The following ZNF248 variants were observed in gnomAD, a reference collection of about 807,000 sequenced individuals.
ZNF248 encodes the protein zinc finger protein 248, also known as KRAB protein domain.
In ZNF248, 20 loss-of-function variants were observed where a neutral mutation model predicts 44.3. The ratio of observed to expected loss-of-function variants is 0.45; its 90% CI spans 0.32 to 0.66. The LOEUF is 0.66. Ranked by LOEUF, ZNF248 falls within the 30% of genes least tolerant of loss-of-function variation. The probability of loss-of-function intolerance (pLI) is 0.04; values close to 1 mark genes in which losing one functional copy is unlikely to be tolerated. For synonymous variants in ZNF248, 224 were observed against 229.0 expected, an observed-to-expected ratio of 0.98 and a Z score of 0.20; for missense variants, 654 against 677.0, an observed-to-expected ratio of 0.97 and a Z score of 0.38.
In ZNF248 at chr10:37,831,925, GA is replaced by G; in HGVS notation, c.1429del (p.Ser477GlnfsTer27). 6.2e-7 allele frequency: 1 copy of G among 1,614,034 alleles called. No individual in the cohort carries two copies. Among genetic ancestry groups the G allele is most frequent in the Non-Finnish European group, 8.5e-7 (1 of 1,179,928 alleles). ...TGTTCTCTGATGCACAGTGAGGGCT[GA>G]TCTGTGGCAGAAGGATTTCCCACAT... ...NACGKSFCHR[S>X]ALTVHQRTHT... On this transcript the variant is annotated frameshift_variant, in exon 6 of 6. Transcript: ENST00000395867. LOFTEE classifies it high-confidence loss of function.
chr10:37,781,541 T>C (rs1355390993), intron 6 of ZNF248, among the ~76,000 whole-genome samples: 3 of 152,230 alleles, frequency 2.0e-5, no homozygotes, highest in Non-Finnish European at 2.9e-5. Flanking sequence ...ACAGCCATAA[T>C]GCCTCAGTAC....
chr10:37,818,152 G>A (rs1190904929), intron 6 of ZNF248, among the ~76,000 whole-genome samples: 2 of 152,066 alleles, frequency 1.3e-5, no homozygotes, highest in African/African-American at 4.8e-5. Flanking sequence ...TCCTGACCTT[G>A]TGATCCACCT....
At chr10:37,792,204 G>A (rs1253493222) in intron 6 of ZNF248, among the ~76,000 whole-genome samples, 2 of 152,180 alleles carry the variant, frequency 1.3e-5, no homozygotes, top group African/African-American at 4.8e-5. Context: ...GCCTGCAGTT[G>A]AGCCTGTCCT....
the ZNF248 span, among the ~76,000 whole-genome samples, chr10:37,769,789 A>T: frequency 1.3e-5 from 2 of 152,204 alleles, no homozygotes; most frequent in African/African-American, 4.8e-5. Flanking sequence ...TAGGCAGGAG[A>T]AGAAAATAAA....
chr10:37,832,853 A>T lies in ZNF248; in HGVS notation c.502T>A (p.Phe168Ile). Residue 168 changes from phenylalanine to isoleucine, a missense_variant, in exon 6 of 6, where the codon TTT becomes ATT. Physicochemically the swap from Phe to Ile is conservative, Grantham distance 21 (BLOSUM62 0). Transcript: ENST00000395867. ...AGGAGCAATTTCTCACATACATTAA[A>T]CTCATCAGGCTTCTTTCTGGAACAG... ...KNCSRKKPDEFNVCEKLLLDI... is the reference protein window; with the variant it reads ...KNCSRKKPDEINVCEKLLLDI... 6.2e-7 allele frequency: 1 copy of T among 1,613,748 alleles called. No homozygotes were observed. The highest frequency in any genetic ancestry group is 2.2e-5 in the East Asian group (1 of 44,842).
At chr10:37,801,484 G>A (rs201024522) in intron 6 of ZNF248, among the ~76,000 whole-genome samples, 1 of 151,782 alleles carries the variant, frequency 6.6e-6, no homozygotes, top group African/African-American at 2.4e-5. Context: ...TAAAGCCAAA[G>A]GCACTGTATA....
chr10:37,812,944 C>T (rs544485363), intron 6 of ZNF248, among the ~76,000 whole-genome samples: 35 of 150,944 alleles, frequency 2.3e-4, no homozygotes, highest in African/African-American at 8.3e-4. Context: ...AAACTATATC[C>T]GGATGTTGTA....
intron 3 of ZNF248, among the ~76,000 whole-genome samples, chr10:37,851,060 T>C (rs565203657): frequency 6.6e-6 from 1 of 152,002 alleles, no homozygotes; most frequent in Non-Finnish European, 1.5e-5. Context: ...AGGATTACTA[T>C]CTAGAAAATT....
chr10:37,792,918 G>A (rs2048726434), intron 6 of ZNF248, among the ~76,000 whole-genome samples: 1 of 152,132 alleles, frequency 6.6e-6, no homozygotes, highest in Non-Finnish European at 1.5e-5. Context: ...TTCATTAATA[G>A]TGTTGTACCC....
the ZNF248 span, among the ~76,000 whole-genome samples, chr10:37,766,042 T>C: frequency 6.6e-6 from 1 of 152,216 alleles, no homozygotes; most frequent in Non-Finnish European, 1.5e-5. Context: ...AACTGCAAGG[T>C]GGCAGCAACG....
intron 6 of ZNF248, among the ~76,000 whole-genome samples, chr10:37,806,700 TTC>T (rs1313436741): frequency 1.3e-5 from 2 of 152,304 alleles, no homozygotes; most frequent in East Asian, 1.9e-4. Flanking sequence ...TGCCTTTTCA[TTC>T]TGTTGATAGT....
At chr10:37,804,632 T>A (rs1453241131) in intron 6 of ZNF248, among the ~76,000 whole-genome samples, 1 of 152,162 alleles carries the variant, frequency 6.6e-6, no homozygotes, top group Non-Finnish European at 1.5e-5. Flanking sequence ...AGACAAGGTC[T>A]TGCCATGTTG....
downstream of ZNF248, among the ~76,000 whole-genome samples, chr10:37,824,264 C>G (rs569986143): frequency 4.9e-4 from 75 of 152,266 alleles, no homozygotes; most frequent in African/African-American, 1.6e-3. Flanking sequence ...CATTTTTGTT[C>G]TATTCAGGCC....
At chr10:37,837,479 A>G (rs2057458706) in intron 5 of ZNF248, 138 bp downstream of exon 5, 2 of 676,510 alleles carry the variant, frequency 3.0e-6, no homozygotes, top group Admixed American at 5.7e-5. Context: ...ATGTGGGCCA[A>G]TTGTTTTTGA....
rs114578096 is a variant in ZNF248 at position 37,833,098 on chromosome 10, T to C, written c.257A>G (p.Asp86Gly). 290 of 1,590,738 alleles carry C rather than the reference T, an allele frequency of 1.8e-4. 3 individuals carry two copies. The African/African-American group carries it at 3.7e-3, about 20-fold the overall frequency. ...TTCCTGGCTGCTCTCTAACACGTCA[T>C]CAACTTTCCATTTCCTTTCTAGAAA... ...QCHPERKWKVDDVLESSQENE... is the reference protein window; with the variant it reads ...QCHPERKWKVGDVLESSQENE... Residue 86 changes from aspartate (D) to glycine (G), a missense_variant, in exon 6 of 6, where the codon GAT (aspartate) becomes GGT (glycine). Coordinates refer to ENST00000395867, the MANE Select transcript of ZNF248 (RefSeq NM_021045.3).
At chr10:37,801,143 G>A (rs2049766972) in intron 6 of ZNF248, among the ~76,000 whole-genome samples, 1 of 151,988 alleles carries the variant, frequency 6.6e-6, no homozygotes, top group Non-Finnish European at 1.5e-5. Flanking sequence ...TTGGGAGGCT[G>A]AGGCAGGCAG....
chr10:37,823,351 AAAAAAAAAAAAGCAAAT>A (rs1486549370), intron 6 of ZNF248, among the ~76,000 whole-genome samples: 1 of 149,782 alleles, frequency 6.7e-6, no homozygotes, highest in African/African-American at 2.5e-5. Flanking sequence ...AAAAAAAAAA[AAAAAAAAAAAAGCAAAT>A]AACAACAGGA....
At chr10:37,801,218 T>TA (rs201174579) in intron 6 of ZNF248, among the ~76,000 whole-genome samples, 9,070 of 150,304 alleles carry the variant, frequency 0.06, 350 homozygotes, top group Middle Eastern at 0.095. Context: ...CTATGAAAAA[T>TA]AAAAAAAATT....
intron 1 of ZNF248, chr10:37,856,800 A>C: frequency 3.4e-6 from 3 of 871,880 alleles, no homozygotes; most frequent in Non-Finnish European, 4.1e-6. Context: ...GGATCTTTTA[A>C]TGAGAAACTG....
Sources: allele counts gnomAD v4.1 joint callset (sites outside exome capture counted in the v4.1 genomes callset), GRCh38; gene constraint gnomAD v4.1.1; transcripts MANE v1.5; gene names NCBI Gene and HGNC (gene_info 2026-07-23, HGNC 2026-07-21).